Variants in LRRTM3 observed in about 807,000 individuals in gnomAD.
LRRTM3 encodes leucine-rich repeat transmembrane neuronal protein 3.
A neutral mutation model predicts 44.7 loss-of-function variants in LRRTM3; 24 were observed. The ratio of observed to expected loss-of-function variants is 0.54; its 90% confidence interval spans 0.39 to 0.76. The LOEUF (loss-of-function observed/expected upper bound fraction) is 0.76. Among genes scored for constraint, LRRTM3 ranks in the 30% least tolerant of loss-of-function variants. LRRTM3 has a pLI of 0.00. For missense variants in LRRTM3, 587 were observed against 702.2 expected, an observed-to-expected ratio of 0.84 and a Z score of 1.85; for synonymous variants, 277 against 278.7, an observed-to-expected ratio of 0.99 and a Z score of 0.06.
chr10:67,073,090 A>C (rs1856554253), intron 2 of LRRTM3, among the ~76,000 whole-genome samples: 1 of 152,218 alleles, frequency 6.6e-6, no homozygotes, highest in Non-Finnish European at 1.5e-5. Flanking sequence ...AAATGCCCTC[A>C]GGGAAATAAA....
intron 2 of LRRTM3, among the ~76,000 whole-genome samples, chr10:67,091,318 T>G (rs1857619427): frequency 6.6e-6 from 1 of 151,940 alleles, no homozygotes; most frequent in Non-Finnish European, 1.5e-5. Flanking sequence ...AATTGAGAAT[T>G]TAAAGACAGT....
chr10:66,999,298 C>T (rs1461980449), intron 2 of LRRTM3, among the ~76,000 whole-genome samples: 2 of 152,060 alleles, frequency 1.3e-5, no homozygotes, highest in Non-Finnish European at 2.9e-5. Flanking sequence ...TAAAAATAGG[C>T]ATTGCTAAAT....
At chr10:67,041,253 G>A (rs987678154) in intron 2 of LRRTM3, among the ~76,000 whole-genome samples, 1 of 152,060 alleles carries the variant, frequency 6.6e-6, no homozygotes, top group African/African-American at 2.4e-5. Flanking sequence ...GTTAGAATGT[G>A]AACCAACTAG....
At chr10:67,028,999 A>G (rs1853563083) in intron 2 of LRRTM3, among the ~76,000 whole-genome samples, 1 of 152,162 alleles carries the variant, frequency 6.6e-6, no homozygotes, top group Non-Finnish European at 1.5e-5. Flanking sequence ...GCAACTCCCC[A>G]CTAAGTGTTT....
At chr10:67,035,343 G>A (rs1853979518) in intron 2 of LRRTM3, among the ~76,000 whole-genome samples, 1 of 152,144 alleles carries the variant, frequency 6.6e-6, no homozygotes. Context: ...ATAATGTTGA[G>A]AATGATTCAG....
At chr10:67,059,302 T>C (rs906744007) in intron 2 of LRRTM3, among the ~76,000 whole-genome samples, 1 of 152,202 alleles carries the variant, frequency 6.6e-6, no homozygotes, top group East Asian at 1.9e-4. Context: ...ATGTTAGTGA[T>C]GTCAAAAATG....
intron 2 of LRRTM3, among the ~76,000 whole-genome samples, chr10:67,009,802 G>T (rs1263827460): frequency 6.6e-6 from 1 of 151,896 alleles, no homozygotes; most frequent in East Asian, 1.9e-4. Flanking sequence ...CTTTTCCCAG[G>T]TCACACCTCT....
chr10:66,996,214 T>G (rs930057704), intron 2 of LRRTM3, among the ~76,000 whole-genome samples: 1 of 152,200 alleles, frequency 6.6e-6, no homozygotes, highest in Admixed American at 6.5e-5. Flanking sequence ...TATTATATAA[T>G]TAGAGATGTT....
chr10:66,941,116 G>A (rs752932190), intron 2 of LRRTM3, among the ~76,000 whole-genome samples: 4 of 152,196 alleles, frequency 2.6e-5, no homozygotes, highest in Non-Finnish European at 5.9e-5. Flanking sequence ...TACTTTACAA[G>A]GCAGACAGCT....
intron 2 of LRRTM3, among the ~76,000 whole-genome samples, chr10:66,929,112 G>C (rs1847231901): frequency 6.6e-6 from 1 of 152,178 alleles, no homozygotes; most frequent in African/African-American, 2.4e-5. Context: ...GCAGACAACT[G>C]CAAAATGTGA....
intron 2 of LRRTM3, among the ~76,000 whole-genome samples, chr10:67,073,283 T>C (rs1925624): frequency 0.57 from 87,273 of 152,004 alleles, 25,346 homozygotes; most frequent in Middle Eastern, 0.69. Context: ...TAAAACTCTA[T>C]TGACACAAAA....
chr10:67,051,173 C>A (rs1438444240), intron 2 of LRRTM3, among the ~76,000 whole-genome samples: 1 of 152,208 alleles, frequency 6.6e-6, no homozygotes, highest in Non-Finnish European at 1.5e-5. Flanking sequence ...AATGAGATCT[C>A]ATTACCTGGG....
intron 2 of LRRTM3, among the ~76,000 whole-genome samples, chr10:66,978,553 A>AG (rs1850217015): frequency 1.3e-4 from 2 of 15,310 alleles, no homozygotes; most frequent in Non-Finnish European, 3.8e-4. Context: ...AAAAAAAAAA[A>AG]TATATATATA....
intron 2 of LRRTM3, among the ~76,000 whole-genome samples, chr10:66,978,960 C>CT (rs34112681): frequency 0.045 from 3,746 of 83,672 alleles, 77 homozygotes; most frequent in African/African-American, 0.073. Flanking sequence ...TACTTATTTC[C>CT]TTTTTTTTTT....
chr10:66,931,959 ATAT>A (rs1204842010), intron 2 of LRRTM3, among the ~76,000 whole-genome samples: 1 of 152,174 alleles, frequency 6.6e-6, no homozygotes, highest in East Asian at 1.9e-4. Context: ...ACAAATTTTA[ATAT>A]TATATCAAAA....
At chr10:67,031,708 G>A (rs1853739761) in intron 2 of LRRTM3, among the ~76,000 whole-genome samples, 1 of 152,122 alleles carries the variant, frequency 6.6e-6, no homozygotes, top group Non-Finnish European at 1.5e-5. Flanking sequence ...AGTAGACTAG[G>A]ACCTTAGTTT....
intron 2 of LRRTM3, among the ~76,000 whole-genome samples, chr10:67,079,820 C>T (rs1364707633): frequency 6.6e-6 from 1 of 150,570 alleles, no homozygotes; most frequent in Non-Finnish European, 1.5e-5. Context: ...TGAACTCCAG[C>T]CTGGGTGGCA....
chr10:67,014,874 G>A (rs1297604568), intron 2 of LRRTM3, among the ~76,000 whole-genome samples: 5 of 151,880 alleles, frequency 3.3e-5, no homozygotes, highest in African/African-American at 4.8e-5. Flanking sequence ...ACATACATAA[G>A]CCTTAATTTT....
intron 2 of LRRTM3, among the ~76,000 whole-genome samples, chr10:67,031,240 C>A (rs1853707814): frequency 6.6e-6 from 1 of 151,954 alleles, no homozygotes; most frequent in Admixed American, 6.6e-5. Context: ...TGTCTAGGTC[C>A]TTTCCTAGTA....
Sources: gnomAD v4.1 joint callset for allele counts (sites outside exome capture counted in the v4.1 genomes callset) on GRCh38, gnomAD v4.1.1 for gene constraint, MANE v1.5 for transcripts, NCBI Gene and HGNC (gene_info 2026-07-23, HGNC 2026-07-21) for gene names.